The following FSTL5 variants were observed in gnomAD, a reference collection of about 807,000 sequenced individuals.
FSTL5 encodes follistatin-related protein 5.
FSTL5 carries 62 observed loss-of-function variants against 89.1 expected under a neutral mutation model. The observed-to-expected ratio is 0.70, with a 90% CI of 0.57 to 0.86. The LOEUF is 0.86. Ranked by LOEUF, FSTL5 falls within the 40% of genes least tolerant of loss-of-function variation. The pLI is 0.00. For missense variants in FSTL5, 1,057 were observed against 1,001.6 expected, an observed-to-expected ratio of 1.06 and a Z score of -0.75; for synonymous variants, 383 against 346.2, an observed-to-expected ratio of 1.11 and a Z score of -1.18.
intron 1 of FSTL5, among the ~76,000 whole-genome samples, chr4:162,113,535 T>C (rs1234641997): frequency 2.0e-5 from 3 of 152,190 alleles, no homozygotes; most frequent in African/African-American, 7.2e-5. Flanking sequence ...AACTTTAGCA[T>C]ATTTTCACGT....
At chr4:161,884,775 T>C (rs1361851992) in intron 4 of FSTL5, among the ~76,000 whole-genome samples, 1 of 152,194 alleles carries the variant, frequency 6.6e-6, no homozygotes, top group Non-Finnish European at 1.5e-5. Flanking sequence ...AGAGAGGTCT[T>C]TAGCTCAGTT....
chr4:161,743,228 G>A (rs557996375), intron 6 of FSTL5, among the ~76,000 whole-genome samples: 1 of 152,186 alleles, frequency 6.6e-6, no homozygotes, highest in Admixed American at 6.5e-5. Flanking sequence ...ATTTTTAAGG[G>A]TTTTGTTTTT....
At chr4:161,789,685 T>C (rs1729393634) in intron 4 of FSTL5, among the ~76,000 whole-genome samples, 1 of 152,214 alleles carries the variant, frequency 6.6e-6, no homozygotes, top group African/African-American at 2.4e-5. Context: ...ATCCACATGA[T>C]AGTCATGATT....
intron 7 of FSTL5, among the ~76,000 whole-genome samples, chr4:161,611,481 C>T (rs1734650034): frequency 6.6e-6 from 1 of 151,778 alleles, no homozygotes; most frequent in Non-Finnish European, 1.5e-5. Context: ...TAAAATTTAG[C>T]AATGTGTTAC....
rs181302226 is a variant in FSTL5 at position 161,608,695 on chromosome 4, A to C, written c.895-21120T>G. 6.2e-4 allele frequency among the ~76,000 whole-genome samples: 94 copies of C among 152,184 alleles called. 1 individual carries two copies. The East Asian group carries it at 0.018, about 29-fold the overall frequency. Reference sequence around the variant, plus strand: ...TTACAATAATGTAAATATCTATAAAATATTTTACACCTCAGCTTAACATTT... The same window carrying C: ...TTACAATAATGTAAATATCTATAAACTATTTTACACCTCAGCTTAACATTT... On this transcript the variant is annotated intron_variant, in intron 7 of 15. Coordinates refer to ENST00000306100, the MANE Select transcript of FSTL5 (RefSeq NM_020116.5).
At chr4:161,616,117 G>A (rs1426315757) in intron 7 of FSTL5, among the ~76,000 whole-genome samples, 1 of 143,876 alleles carries the variant, frequency 7.0e-6, no homozygotes, top group African/African-American at 2.6e-5. Context: ...ATGGGGTTTT[G>A]CTCTTGTCAC....
intron 8 of FSTL5, among the ~76,000 whole-genome samples, chr4:161,543,518 G>A (rs1383732696): frequency 6.7e-6 from 1 of 149,238 alleles, no homozygotes. Flanking sequence ...CCCAAGTGGT[G>A]AAAAAAAAAA....
chr4:161,975,010 C>G (rs1735592515), intron 3 of FSTL5, among the ~76,000 whole-genome samples: 1 of 126,646 alleles, frequency 7.9e-6, no homozygotes, highest in Admixed American at 8.2e-5. Flanking sequence ...AAATGCTCAT[C>G]ATCACTGGCC....
At chr4:161,998,275 G>A (rs562649661) in intron 3 of FSTL5, among the ~76,000 whole-genome samples, 1 of 151,742 alleles carries the variant, frequency 6.6e-6, no homozygotes, top group East Asian at 1.9e-4. Flanking sequence ...CTTCTTCTTT[G>A]AGTTGTAATC....
chr4:161,760,656 T>C (rs970794604), intron 5 of FSTL5, among the ~76,000 whole-genome samples: 1 of 152,176 alleles, frequency 6.6e-6, no homozygotes, highest in African/African-American at 2.4e-5. Flanking sequence ...AATAGTAATT[T>C]TTACATAATG....
At chr4:161,730,034 G>A (rs955963269) in intron 6 of FSTL5, among the ~76,000 whole-genome samples, 7 of 152,114 alleles carry the variant, frequency 4.6e-5, no homozygotes, top group African/African-American at 7.2e-5. Flanking sequence ...AGCCTAGAGC[G>A]TTCTAAATAG....
At chr4:161,775,834 A>C in intron 5 of FSTL5, 44 bp downstream of exon 5, 1 of 957,526 alleles carries the variant, frequency 1.0e-6, no homozygotes, top group Non-Finnish European at 1.5e-6. Flanking sequence ...TATATTGTGC[A>C]TGCTATATTT....
intron 4 of FSTL5, among the ~76,000 whole-genome samples, chr4:161,856,020 C>T (rs1731709813): frequency 6.6e-6 from 1 of 152,038 alleles, no homozygotes; most frequent in African/African-American, 2.4e-5. Context: ...GGTTTATATG[C>T]ATCATGCCAT....
chr4:161,837,898 C>T (rs1203076970), intron 4 of FSTL5, among the ~76,000 whole-genome samples: 1 of 152,098 alleles, frequency 6.6e-6, no homozygotes, highest in Non-Finnish European at 1.5e-5. Flanking sequence ...AATATATATA[C>T]TTGACTTTCA....
chr4:161,425,072 C>T (rs1211639863), intron 15 of FSTL5, among the ~76,000 whole-genome samples: 1 of 152,138 alleles, frequency 6.6e-6, no homozygotes, highest in East Asian at 1.9e-4. Flanking sequence ...AAATAAAAGC[C>T]ATTAGATCTA....
At chr4:161,547,333 A>G (rs1732042086) in intron 8 of FSTL5, among the ~76,000 whole-genome samples, 1 of 152,010 alleles carries the variant, frequency 6.6e-6, no homozygotes, top group Non-Finnish European at 1.5e-5. Flanking sequence ...TTATTATTGC[A>G]TATCTTGATT....
At chr4:161,705,320 C>A (rs1738531864) in intron 6 of FSTL5, among the ~76,000 whole-genome samples, 1 of 151,920 alleles carries the variant, frequency 6.6e-6, no homozygotes, top group African/African-American at 2.4e-5. Flanking sequence ...GAGAGGATGA[C>A]ATATTTATTT....
intron 15 of FSTL5, among the ~76,000 whole-genome samples, chr4:161,440,148 TA>T (rs1732709808): frequency 6.6e-6 from 1 of 152,092 alleles, no homozygotes; most frequent in African/African-American, 2.4e-5. Context: ...GAAAAAAGAA[TA>T]ACCTTAATCC....
At chr4:161,803,060 G>GAAAC (rs923017134) in intron 4 of FSTL5, among the ~76,000 whole-genome samples, 2 of 151,772 alleles carry the variant, frequency 1.3e-5, no homozygotes, top group African/African-American at 4.8e-5. Flanking sequence ...GCTGTGTTAA[G>GAAAC]AAACAAACAA....
Sources: gnomAD v4.1 joint callset for allele counts (sites outside exome capture counted in the v4.1 genomes callset) on GRCh38, gnomAD v4.1.1 for gene constraint, MANE v1.5 for transcripts, NCBI Gene and HGNC (gene_info 2026-07-23, HGNC 2026-07-21) for gene names.